LAMC1: variants seen among roughly 807,000 people sequenced by gnomAD.
The protein encoded by LAMC1 is laminin subunit gamma-1.
A neutral mutation model predicts 173.6 loss-of-function variants in LAMC1; 38 were observed. The ratio of observed to expected loss-of-function variants is 0.22; its 90% CI spans 0.17 to 0.29. LAMC1 has a LOEUF of 0.29. Among genes scored for constraint, LAMC1 ranks in the 10% least tolerant of loss-of-function variants. The pLI, the probability that LAMC1 is intolerant of heterozygous loss-of-function variation, is 1.00. For missense variants in LAMC1, 1,824 were observed against 2,051.8 expected, an observed-to-expected ratio of 0.89 and a Z score of 2.14; for synonymous variants, 746 against 749.1, an observed-to-expected ratio of 1.00 and a Z score of 0.07.
At chr1:183,130,622 G>T in intron 19 of LAMC1, 73 bp downstream of exon 19, 2 of 1,184,956 alleles carry the variant, frequency 1.7e-6, no homozygotes, top group Middle Eastern at 2.2e-4. Flanking sequence ...GTTACTGGCA[G>T]TGGAGTGCTT....
intron 8 of LAMC1, 168 bp downstream of exon 8, chr1:183,117,071 T>A: frequency 2.7e-6 from 2 of 750,176 alleles, no homozygotes; most frequent in Non-Finnish European, 4.1e-6. Context: ...AATGAAAATG[T>A]ACTTTTGGCT....
intron 1 of LAMC1, among the ~76,000 whole-genome samples, chr1:183,044,366 T>A (rs1558031047): frequency 2.0e-5 from 3 of 151,972 alleles, no homozygotes; most frequent in Non-Finnish European, 4.4e-5. Context: ...CATTGGTCAC[T>A]TGAGCATACC....
chr1:183,024,037 C>G lies in LAMC1; in HGVS notation c.321C>G (p.Thr107=). ...PHLQHGAAFL[T]DYNNQADTTW... Reference sequence around the variant, plus strand: ...TGCAGCACGGGGCAGCCTTCCTGACCGACTACAACAACCAGGCCGACACCA... The same window carrying G: ...TGCAGCACGGGGCAGCCTTCCTGACGGACTACAACAACCAGGCCGACACCA... The change falls in exon 1 of 28, where the codon ACC becomes ACG. Residue 107 remains threonine, a synonymous_variant. Transcript: ENST00000258341. 1 of 1,612,868 alleles carries G rather than the reference C, an allele frequency of 6.2e-7. No homozygotes were observed. The highest frequency in any genetic ancestry group is 2.2e-5 in the East Asian group (1 of 44,840).
At position 183,136,737 on chromosome 1, in the gene LAMC1, G is replaced by A. The variant is rs1000403144; in HGVS notation, c.4314+152G>A. 3.3e-5 allele frequency: 21 copies of A among 638,898 alleles called. No homozygotes were observed. The African/African-American group carries it at 4.0e-4, about 12-fold the overall frequency. 39.6% of individuals were successfully genotyped at this position (638,898 alleles called of 1,614,324 possible). A position where few individuals can be genotyped will look rare whatever the true frequency, so the allele number is the denominator to read the frequency against. On this transcript the variant is annotated intron_variant, in intron 25 of 27. Transcript: ENST00000258341. The stretch of plus-strand genomic sequence containing the variant: ...ATATTTGTCTTTTTTTTTTTCTTTT[G>A]ACTAGGCATGAGAGTAGGTATCCAC...
At chr1:183,047,964 C>G (rs1047847294) in intron 1 of LAMC1, among the ~76,000 whole-genome samples, 7 of 152,082 alleles carry the variant, frequency 4.6e-5, no homozygotes, top group African/African-American at 1.7e-4. Context: ...AGTTAGTTCA[C>G]CAATTCGGAA....
intron 1 of LAMC1, among the ~76,000 whole-genome samples, chr1:183,042,908 G>A (rs1654175552): frequency 6.6e-6 from 1 of 152,126 alleles, no homozygotes; most frequent in South Asian, 2.1e-4. Flanking sequence ...TCCCACATGG[G>A]CATTGTCTGA....
intron 1 of LAMC1, among the ~76,000 whole-genome samples, chr1:183,047,352 A>G (rs899356264): frequency 8.5e-5 from 13 of 152,216 alleles, no homozygotes; most frequent in Non-Finnish European, 1.0e-4. Flanking sequence ...AAATCACTCA[A>G]TTACAGAGTG....
At chr1:183,081,222 GC>G in intron 1 of LAMC1, among the ~76,000 whole-genome samples, 2 of 152,240 alleles carry the variant, frequency 1.3e-5, no homozygotes, top group South Asian at 4.1e-4. Context: ...AATGTAAACT[GC>G]CTTTGAAAGC....
chr1:183,054,608 G>T (rs1654534786), intron 1 of LAMC1, among the ~76,000 whole-genome samples: 1 of 152,162 alleles, frequency 6.6e-6, no homozygotes, highest in Non-Finnish European at 1.5e-5. Context: ...TGATTGCTTA[G>T]GGTTTCAAGA....
intron 1 of LAMC1, among the ~76,000 whole-genome samples, chr1:183,062,103 C>T (rs144867227): frequency 3.9e-4 from 60 of 152,218 alleles, no homozygotes; most frequent in African/African-American, 1.3e-3. Context: ...CAGTTATATA[C>T]GTTTATTGTA....
intron 21 of LAMC1, among the ~76,000 whole-genome samples, chr1:183,133,110 T>C (rs1345059378): frequency 6.6e-6 from 1 of 152,076 alleles, no homozygotes; most frequent in Non-Finnish European, 1.5e-5. Flanking sequence ...GGGGTTTCAC[T>C]ATGTTGGCCA....
intron 6 of LAMC1, 117 bp downstream of exon 6, chr1:183,115,754 A>G (rs1014214176): frequency 4.0e-6 from 3 of 754,264 alleles, no homozygotes; most frequent in African/African-American, 3.5e-5. Flanking sequence ...ATAATTGTCA[A>G]CAAGACTGAG....
At chr1:183,077,764 T>C (rs1655151271) in intron 1 of LAMC1, among the ~76,000 whole-genome samples, 2 of 97,616 alleles carry the variant, frequency 2.0e-5, no homozygotes, top group Non-Finnish European at 4.9e-5. Flanking sequence ...ATAGTATTTT[T>C]ATGGCCATTG....
Position 183,124,669 on chromosome 1 carries a change from G to A in LAMC1, c.2440G>A (p.Asp814Asn). ...CELCDDGYFG[D>N]PLGRNGPVRL... ...GCTCTGTGATGATGGCTACTTTGGA[G>A]ACCCCCTGGGTAGAAACGGCCCTGT... The change falls in exon 14 of 28, where the codon GAC (aspartate) becomes AAC (asparagine). Residue 814 changes from aspartate (D) to asparagine (N), a missense_variant. Asp to Asn is a conservative substitution (Grantham distance 23). Transcript: ENST00000258341. 2 of 1,614,218 alleles carry A rather than the reference G, an allele frequency of 1.2e-6. No individual in the cohort carries two copies. The highest frequency in any genetic ancestry group is 1.7e-6 in the Non-Finnish European group (2 of 1,180,022).
At chr1:183,030,209 A>G (rs1051084442) in intron 1 of LAMC1, among the ~76,000 whole-genome samples, 2 of 152,238 alleles carry the variant, frequency 1.3e-5, no homozygotes, top group African/African-American at 4.8e-5. Flanking sequence ...GAGTTGAGTA[A>G]TAGCGACAGA....
intron 1 of LAMC1, among the ~76,000 whole-genome samples, chr1:183,094,451 G>T (rs560517195): frequency 6.6e-6 from 1 of 152,112 alleles, no homozygotes; most frequent in Non-Finnish European, 1.5e-5. Flanking sequence ...ACCCAAGCAT[G>T]CTCCCTACTT....
chr1:183,078,366 G>A (rs1655173867), intron 1 of LAMC1, among the ~76,000 whole-genome samples: 1 of 151,298 alleles, frequency 6.6e-6, no homozygotes, highest in South Asian at 2.1e-4. Context: ...TGGATCACGA[G>A]GTCAGGAAAT....
chr1:183,075,407 C>T (rs930591433), intron 1 of LAMC1, among the ~76,000 whole-genome samples: 3 of 152,110 alleles, frequency 2.0e-5, no homozygotes, highest in Admixed American at 6.5e-5. Flanking sequence ...TGAGCCACCG[C>T]GCCCAGCGTA....
intron 1 of LAMC1, among the ~76,000 whole-genome samples, chr1:183,075,851 G>T (rs934102554): frequency 3.9e-5 from 6 of 152,190 alleles, no homozygotes; most frequent in African/African-American, 1.4e-4. Flanking sequence ...CATATTCTGG[G>T]AGAGTTTTTA....
Sources: allele counts gnomAD v4.1 joint callset (sites outside exome capture counted in the v4.1 genomes callset), GRCh38; gene constraint gnomAD v4.1.1; transcripts MANE v1.5; gene names NCBI Gene and HGNC (gene_info 2026-07-23, HGNC 2026-07-21).